The following FRK variants were observed in gnomAD, a reference collection of about 807,000 sequenced individuals.
FRK encodes fyn related Src family tyrosine kinase.
A neutral mutation model predicts 56.4 loss-of-function variants in FRK; 51 were observed. That is an observed-to-expected ratio of 0.90 (90% confidence interval 0.72 to 1.14). The LOEUF (loss-of-function observed/expected upper bound fraction) is 1.14. FRK is among the 50% of genes most tolerant of loss of function. The pLI is 0.00. For missense variants in FRK, 570 were observed against 601.4 expected (o/e 0.95, Z 0.55); for synonymous variants, 245 against 217.9 (o/e 1.12, Z -1.10).
At chr6:115,947,317 AGTGTGTGTGTGTGT>A (rs10577529) in intron 5 of FRK, among the ~76,000 whole-genome samples, 24 of 149,884 alleles carry the variant, frequency 1.6e-4, no homozygotes, top group South Asian at 4.3e-4. Flanking sequence ...AGACTTAAAC[AGTGTGTGTGTGTGT>A]GTGTGTGTGT....
At position 115,942,482 on chromosome 6, in the gene FRK, G is replaced by A. The variant is rs762906692; in HGVS notation, c.1450C>T (p.Arg484Cys). The change falls in exon 8 of 8, where the codon CGT (arginine) becomes TGT (cysteine). Residue 484 changes from arginine (R) to cysteine (C), a missense_variant. Coordinates refer to ENST00000606080, the MANE Select transcript of FRK (RefSeq NM_002031.3). Reference protein sequence around the residue: ...PKERPTFETLRWKLEDYFETD... With the variant: ...PKERPTFETLCWKLEDYFETD... ...TCAAAATAGTCTTCAAGTTTCCAAC[G>A]CAGTGTCTCAAATGTAGGTCGTTCC... The A allele has an allele frequency of 2.5e-6, 4 of 1,613,520 alleles. No homozygotes were observed. Among genetic ancestry groups the A allele is most frequent in the Non-Finnish European group, 3.4e-6 (4 of 1,179,716 alleles).
chr6:115,971,807 C>T (rs1183513883), intron 2 of FRK, among the ~76,000 whole-genome samples: 1 of 152,228 alleles, frequency 6.6e-6, no homozygotes, highest in Non-Finnish European at 1.5e-5. Flanking sequence ...CAAAAGGCAG[C>T]AGTGGAAACA....
chr6:116,054,446 TA>T (rs1777299356), intron 1 of FRK, among the ~76,000 whole-genome samples: 1 of 144,866 alleles, frequency 6.9e-6, no homozygotes, highest in African/African-American at 2.5e-5. Context: ...ATATATTATT[TA>T]TACTATATTA....
At position 115,968,458 on chromosome 6, in the gene FRK, G is replaced by T; in HGVS notation, c.630+118C>A. ...CATAGGCCATGGTTTGCCTATACCC[G>T]CCTGAGGTAATAAAATGACAATTTT... On this transcript the variant is annotated intron_variant, in intron 3 of 7. Transcript: ENST00000606080. 8.9e-6 allele frequency: 10 copies of T among 1,122,062 alleles called. No individual in the cohort carries two copies. In the South Asian group the frequency reaches 1.1e-4, roughly 12 times the overall value. The allele number at this position is 1,122,062 out of a possible 1,614,324, so 69.5% of individuals were successfully genotyped here. A position where few individuals can be genotyped will look rare whatever the true frequency, so the allele number is the denominator to read the frequency against.
intron 1 of FRK, chr6:116,039,094 C>T (rs1776609967): frequency 1.3e-6 from 1 of 790,890 alleles, no homozygotes; most frequent in African/African-American, 1.7e-5. Context: ...AGAAAGTGGC[C>T]CATGCTCTGG....
At chr6:116,094,028 C>A in the FRK span, among the ~76,000 whole-genome samples, 3 of 152,150 alleles carry the variant, frequency 2.0e-5, no homozygotes, top group Non-Finnish European at 2.9e-5. Flanking sequence ...TTAGTCATGG[C>A]CCTCAGACAA....
At chr6:116,066,015 C>T in the FRK span, among the ~76,000 whole-genome samples, 2 of 152,152 alleles carry the variant, frequency 1.3e-5, no homozygotes, top group Non-Finnish European at 2.9e-5. Context: ...AGTCTCCCTA[C>T]TTTCACTCTT....
intron 5 of FRK, among the ~76,000 whole-genome samples, chr6:115,944,935 T>C (rs1008509995): frequency 6.6e-6 from 1 of 151,644 alleles, no homozygotes; most frequent in African/African-American, 2.4e-5. Context: ...TGGGTGAACA[T>C]AGCTCCCACT....
At chr6:116,070,148 A>AC in the FRK span, among the ~76,000 whole-genome samples, 1 of 151,962 alleles carries the variant, frequency 6.6e-6, no homozygotes, top group African/African-American at 2.4e-5. Context: ...AAAAAAAAAA[A>AC]AAACCTGCTA....
At chr6:115,956,173 A>G (rs1009061856) in intron 5 of FRK, among the ~76,000 whole-genome samples, 19 of 152,246 alleles carry the variant, frequency 1.2e-4, no homozygotes, top group African/African-American at 4.6e-4. Context: ...GCATCATGCT[A>G]AACATCCATT....
chr6:115,979,623 C>G (rs1299049770), intron 2 of FRK, among the ~76,000 whole-genome samples: 1 of 152,062 alleles, frequency 6.6e-6, no homozygotes, highest in Non-Finnish European at 1.5e-5. Flanking sequence ...ACATCACAGG[C>G]CTTCACTGAC....
chr6:115,954,640 G>T (rs1772915694), intron 5 of FRK, among the ~76,000 whole-genome samples: 1 of 152,138 alleles, frequency 6.6e-6, no homozygotes, highest in Non-Finnish European at 1.5e-5. Flanking sequence ...TCAGTTTGGG[G>T]CATGTCATCT....
At chr6:116,042,018 C>A (rs898919978) in intron 1 of FRK, among the ~76,000 whole-genome samples, 1 of 152,218 alleles carries the variant, frequency 6.6e-6, no homozygotes, top group Non-Finnish European at 1.5e-5. Flanking sequence ...TTACTGCCAG[C>A]ACAGCAGTCT....
At chr6:116,027,382 G>C (rs972497911) in intron 1 of FRK, among the ~76,000 whole-genome samples, 1 of 152,130 alleles carries the variant, frequency 6.6e-6, no homozygotes, top group Admixed American at 6.6e-5. Flanking sequence ...TCAAGTCATA[G>C]AATTTAAGAC....
intron 4 of FRK, 81 bp from the exon 5 acceptor site, chr6:115,956,691 A>G: frequency 8.8e-7 from 1 of 1,141,054 alleles, no homozygotes; most frequent in Non-Finnish European, 1.2e-6. Context: ...AATCATCAAG[A>G]TTGCCTCCTG....
chr6:116,088,204 T>C, the FRK span, among the ~76,000 whole-genome samples: 2 of 152,214 alleles, frequency 1.3e-5, no homozygotes, highest in Non-Finnish European at 2.9e-5. Flanking sequence ...CCTGGGATCA[T>C]CTCCTAACAT....
chr6:116,029,489 T>C (rs1468307233), intron 1 of FRK, among the ~76,000 whole-genome samples: 1 of 152,136 alleles, frequency 6.6e-6, no homozygotes, highest in Non-Finnish European at 1.5e-5. Context: ...ACCTACCTAT[T>C]TAGGTACTGC....
intron 6 of FRK, among the ~76,000 whole-genome samples, chr6:115,943,670 T>A (rs1772297492): frequency 6.6e-6 from 1 of 152,008 alleles, no homozygotes; most frequent in Non-Finnish European, 1.5e-5. Context: ...AAGAAAAAAA[T>A]GATGAATTCA....
chr6:115,960,585 G>A (rs1773317858), intron 4 of FRK, among the ~76,000 whole-genome samples: 1 of 131,940 alleles, frequency 7.6e-6, no homozygotes, highest in Admixed American at 7.5e-5. Context: ...CTCCACCTCT[G>A]GGGGCAGGGC....
Sources: gnomAD v4.1 joint callset for allele counts (sites outside exome capture counted in the v4.1 genomes callset) on GRCh38, gnomAD v4.1.1 for gene constraint, MANE v1.5 for transcripts, NCBI Gene and HGNC (gene_info 2026-07-23, HGNC 2026-07-21) for gene names.